VIPR2: variants seen among roughly 807,000 people sequenced by gnomAD.
VIPR2 encodes vasoactive intestinal polypeptide receptor 2.
VIPR2 carries 48 observed loss-of-function variants against 58.0 expected under a neutral mutation model. The observed-to-expected ratio is 0.83, with a 90% confidence interval of 0.66 to 1.05. The LOEUF is 1.05. Among genes scored for constraint, VIPR2 ranks in the 50% least tolerant of loss-of-function variants. VIPR2 has a pLI of 0.00. For synonymous variants in VIPR2, 243 were observed against 235.2 expected, an observed-to-expected ratio of 1.03 and a Z score of -0.30; for missense variants, 534 against 558.0, an observed-to-expected ratio of 0.96 and a Z score of 0.43.
intron 2 of VIPR2, among the ~76,000 whole-genome samples, chr7:159,126,542 C>T (rs141819683): frequency 6.2e-4 from 94 of 152,312 alleles, no homozygotes; most frequent in African/African-American, 2.2e-3. Context: ...AAGGAGCATG[C>T]CCTGGAATGC....
chr7:159,057,082 C>T (rs1239097702), intron 5 of VIPR2, among the ~76,000 whole-genome samples: 3 of 152,120 alleles, frequency 2.0e-5, no homozygotes, highest in Middle Eastern at 3.2e-3. Context: ...ATATGTCATG[C>T]TGTACATATG....
rs1205677252 is a variant in VIPR2, at chr7:159,030,648, A to C, written c.1285T>G (p.Ser429Ala). The change falls in exon 13 of 13, where the codon TCC becomes GCC. Residue 429 changes from serine (S) to alanine (A), a missense_variant. Physicochemically the swap from Ser to Ala is moderately conservative, Grantham distance 99. Transcript: ENST00000262178. ...ACCGAGGTCTCCGTTTGCAGGAAGG[A>C]CTGGGCGCGGGAGCCGCGGTGGAAC... ...LQFHRGSRAQ[S>A]FLQTETSVI is the part of the protein sequence containing the mutation. 6.4e-7 allele frequency: 1 copy of C among 1,556,810 alleles called. No individual in the cohort carries two copies. The highest frequency in any genetic ancestry group is 8.7e-7 in the Non-Finnish European group (1 of 1,151,752).
chr7:159,030,826 G>A (rs767219104), intron 12 of VIPR2, 37 bp from the exon 13 acceptor site: 25 of 1,483,410 alleles, frequency 1.7e-5, no homozygotes, highest in Middle Eastern at 2.4e-4. Flanking sequence ...CCGTGAGCCT[G>A]GGCAGGTGCG....
chr7:159,135,960 G>A (rs1026000762), intron 2 of VIPR2, among the ~76,000 whole-genome samples: 3 of 152,192 alleles, frequency 2.0e-5, no homozygotes, highest in Non-Finnish European at 2.9e-5. Context: ...GGGAATCACA[G>A]GACTGGGTGC....
At chr7:159,055,925 G>A (rs1324393193) in intron 5 of VIPR2, among the ~76,000 whole-genome samples, 2 of 152,212 alleles carry the variant, frequency 1.3e-5, no homozygotes, top group Non-Finnish European at 2.9e-5. Flanking sequence ...CCGGAAAGGG[G>A]GACCAGAGTC....
rs79770828 is a variant in VIPR2, at chr7:159,093,083, C to T, written c.357+10674G>A. Among the ~76,000 whole-genome samples the T allele has an allele frequency of 0.014, 2,118 of 152,174 alleles. 32 individuals are homozygous for T. The highest frequency in any genetic ancestry group is 0.034 in the Admixed American group (518 of 15,282). On this transcript the variant is annotated intron_variant, in intron 4 of 12. Coordinates refer to ENST00000262178, the MANE Select transcript of VIPR2 (RefSeq NM_003382.5). The surrounding 1 kb of genome is among the most constrained non-coding windows in gnomAD (Gnocchi z 6.7). ...ACTGGTGCCGTCCACTCAGAGAACC[C>T]GTCTAGCAGCGGAGATGCTGCTCCC...
intron 4 of VIPR2, among the ~76,000 whole-genome samples, chr7:159,074,860 G>A (rs1468730551): frequency 6.6e-6 from 1 of 152,074 alleles, no homozygotes; most frequent in East Asian, 1.9e-4. Flanking sequence ...GATAAAAAAA[G>A]AACTCGTTTT....
In VIPR2 at chr7:159,127,429, A is replaced by T. The variant is rs1796696123; in HGVS notation, c.151+15017T>A. On this transcript the variant is annotated intron_variant, in intron 2 of 12. Coordinates refer to ENST00000262178, the MANE Select transcript of VIPR2 (RefSeq NM_003382.5). The surrounding 1 kb of genome is among the most constrained non-coding windows in gnomAD (Gnocchi z 4.6). Reference sequence around the variant, plus strand: ...CCAAAACTATTAAATGAACAAGAGGATTTTTCAAAGTAACGTTTATAGGTC... The same window carrying T: ...CCAAAACTATTAAATGAACAAGAGGTTTTTTCAAAGTAACGTTTATAGGTC... Among the ~76,000 whole-genome samples, 1 of 152,186 alleles carries T rather than the reference A, an allele frequency of 6.6e-6. No homozygotes were observed. The highest frequency in any genetic ancestry group is 1.5e-5 in the Non-Finnish European group (1 of 68,028).
At chr7:159,059,500 T>C (rs766872588) in intron 4 of VIPR2, 49 of 368,124 alleles carry the variant, frequency 1.3e-4, no homozygotes, top group Non-Finnish European at 2.6e-4. Context: ...CAGAAAGTTA[T>C]GCTCTTGTTT....
At chr7:159,039,947 A>G (rs886656) in intron 6 of VIPR2, among the ~76,000 whole-genome samples, 120,356 of 152,234 alleles carry the variant, frequency 0.79, 47,559 homozygotes, top group Admixed American at 0.82. Context: ...CACATGAGGG[A>G]CCGTGTGCCG....
Position 159,096,797 on chromosome 7 carries a change from C to A in VIPR2, c.357+6960G>T. The A allele has an allele frequency of 2.1e-6, 3 of 1,431,814 alleles. No individual in the cohort carries two copies. The highest frequency in any genetic ancestry group is 1.4e-5 in the African/African-American group (1 of 69,850). The allele number at this position is 1,431,814 out of a possible 1,614,324, so 88.7% of individuals were successfully genotyped here. ...CTGCCTGAGGTCAGTCTCGTGGCCC[C>A]CGCAGCAGCCACAGGCCCAGCTCTT... On this transcript the variant is annotated intron_variant, in intron 4 of 12. Transcript: ENST00000262178. The surrounding 1 kb of genome is among the most constrained non-coding windows in gnomAD (Gnocchi z 5.5).
intron 4 of VIPR2, among the ~76,000 whole-genome samples, chr7:159,059,759 T>C (rs59896204): frequency 0.76 from 103,167 of 136,600 alleles, 36,336 homozygotes; most frequent in East Asian, 0.95. Context: ...TCTCAACTTA[T>C]CTAACCCGTA....
chr7:159,061,686 AAAAT>A (rs1855665899), intron 4 of VIPR2, among the ~76,000 whole-genome samples: 1 of 152,180 alleles, frequency 6.6e-6, no homozygotes. Flanking sequence ...AAAAAAGTGA[AAAAT>A]AATCCATACT....
chr7:159,092,804 C>T (rs115788801), intron 4 of VIPR2, among the ~76,000 whole-genome samples: 3,275 of 151,916 alleles, frequency 0.022, 130 homozygotes, highest in African/African-American at 0.075. Flanking sequence ...GTGTTTGCAA[C>T]GTGGCTTTCT....
chr7:159,064,327 A>G lies in VIPR2; in HGVS notation c.358-5749T>C, dbSNP rs1585399615. Among the ~76,000 whole-genome samples the G allele has an allele frequency of 1.3e-5, 2 of 152,138 alleles. 1 individual carries two copies. Among genetic ancestry groups the G allele is most frequent in the African/African-American group, 4.8e-5 (2 of 41,540 alleles). On this transcript the variant is annotated intron_variant, in intron 4 of 12. Transcript: ENST00000262178. ...GGGCCCCGTGGGCTCGAGCGGGTCC[A>G]CAGAGGACCCCCGGCTGCCCCTCTG...
chr7:159,144,002 C>A (rs1434281980), intron 1 of VIPR2, among the ~76,000 whole-genome samples: 1 of 152,208 alleles, frequency 6.6e-6, no homozygotes, highest in East Asian at 1.9e-4. Context: ...GCGGAGGGGC[C>A]GCGGATCGAT....
At chr7:159,118,090 A>G (rs948799958) in intron 2 of VIPR2, among the ~76,000 whole-genome samples, 2 of 152,136 alleles carry the variant, frequency 1.3e-5, no homozygotes, top group African/African-American at 4.8e-5. Context: ...CCAGTCATCG[A>G]ATACTCCCCT....
At chr7:159,134,098 A>T (rs1156782510) in intron 2 of VIPR2, among the ~76,000 whole-genome samples, 1 of 152,256 alleles carries the variant, frequency 6.6e-6, no homozygotes, top group Non-Finnish European at 1.5e-5. Context: ...ATGCCCAAAT[A>T]AGATAAACTA....
At chr7:159,056,426 G>A (rs1412546096) in intron 5 of VIPR2, among the ~76,000 whole-genome samples, 1 of 152,182 alleles carries the variant, frequency 6.6e-6, no homozygotes, top group Non-Finnish European at 1.5e-5. Flanking sequence ...TCTCAGAGAA[G>A]TGGACCATGC....
Sources: allele counts gnomAD v4.1 joint callset (sites outside exome capture counted in the v4.1 genomes callset), GRCh38; gene constraint gnomAD v4.1.1; non-coding constraint Gnocchi (gnomAD v3.1); transcripts MANE v1.5; gene names NCBI Gene and HGNC (gene_info 2026-07-23, HGNC 2026-07-21).